PCDHA4: variants seen among roughly 807,000 people sequenced by gnomAD.
PCDHA4 encodes protocadherin alpha 4, also known as protocadherin alpha-4.
A neutral mutation model predicts 61.4 loss-of-function variants in PCDHA4; 49 were observed. The ratio of observed to expected loss-of-function variants is 0.80; its 90% CI spans 0.63 to 1.01. The LOEUF (loss-of-function observed/expected upper bound fraction) is 1.01, where lower values mean the gene tolerates loss of function less well. PCDHA4 is among the 50% of genes least tolerant of loss of function. PCDHA4 has a pLI of 0.00. For synonymous variants in PCDHA4, 590 were observed against 550.3 expected (o/e 1.07, Z -1.01); for missense variants, 1,254 against 1,235.8 (o/e 1.01, Z -0.22).
chr5:140,944,909 C>A (rs1320536064), intron 1 of PCDHA4, among the ~76,000 whole-genome samples: 1 of 152,136 alleles, frequency 6.6e-6, no homozygotes, highest in African/African-American at 2.4e-5. Flanking sequence ...CCACAAACTT[C>A]TCTTTATATT....
intron 3 of PCDHA4, among the ~76,000 whole-genome samples, chr5:140,990,502 A>T (rs1303617067): frequency 6.6e-6 from 1 of 152,164 alleles, no homozygotes; most frequent in African/African-American, 2.4e-5. Context: ...ACATTCCCCA[A>T]GTCTTCTCTC....
chr5:140,906,239 T>G (rs563566442), intron 1 of PCDHA4, among the ~76,000 whole-genome samples: 5 of 152,314 alleles, frequency 3.3e-5, no homozygotes, highest in Admixed American at 1.3e-4. Context: ...CCTTGTCAAC[T>G]TGAACCCATA....
intron 1 of PCDHA4, chr5:140,928,319 AG>A: frequency 6.2e-7 from 1 of 1,614,200 alleles, no homozygotes. Flanking sequence ...GACCTGGGGA[AG>A]AATGGCCTTG....
At chr5:140,982,318 G>A (rs2096977750) in intron 2 of PCDHA4, 157 bp from the exon 3 acceptor site, 3 of 1,356,910 alleles carry the variant, frequency 2.2e-6, no homozygotes, top group Non-Finnish European at 2.9e-6. Context: ...AGTTTATGCA[G>A]GGTGACTGCT....
Position 140,851,565 on chromosome 5 carries a change from G to T in PCDHA4, c.2385+41993G>T, listed in dbSNP as rs558874725. Reference sequence around the variant, plus strand: ...TTCAAGAAATGTTGACTGAAATTTTGTCTACACTTAGAACATTTTTTGAAA... The same window carrying T: ...TTCAAGAAATGTTGACTGAAATTTTTTCTACACTTAGAACATTTTTTGAAA... On this transcript the variant is annotated intron_variant, in intron 1 of 3. Transcript: ENST00000530339. The T allele has an allele frequency of 3.3e-6, 3 of 908,000 alleles. No homozygotes were observed. In the African/African-American group the frequency reaches 5.4e-5, roughly 16 times the overall value. 56.2% of individuals were successfully genotyped at this position (908,000 alleles called of 1,614,324 possible).
intron 1 of PCDHA4, chr5:140,876,978 C>T (rs1206745884): frequency 1.2e-5 from 20 of 1,612,518 alleles, no homozygotes; most frequent in African/African-American, 6.7e-5. Flanking sequence ...TGGGCGAGCA[C>T]GCACTGTCGA....
Position 140,808,553 on chromosome 5 carries a change from G to A in PCDHA4, c.1366G>A (p.Ala456Thr), listed in dbSNP as rs1764200518. Reference protein sequence around the residue: ...ADVNDNAPAFAQPEYTVFVKE... With the variant: ...ADVNDNAPAFTQPEYTVFVKE... ...TGTGAACGACAACGCTCCGGCGTTC[G>A]CGCAGCCCGAGTACACAGTGTTCGT... The change falls in exon 1 of 4, where the codon GCG becomes ACG. Residue 456 changes from alanine (A) to threonine (T), a missense_variant. By Grantham distance (58) the Ala-to-Thr change is moderately conservative. Transcript: ENST00000530339. 6.2e-7 allele frequency: 1 copy of A among 1,614,088 alleles called. No homozygotes were observed. The highest frequency in any genetic ancestry group is 8.5e-7 in the Non-Finnish European group (1 of 1,180,028).
intron 1 of PCDHA4, among the ~76,000 whole-genome samples, chr5:140,965,292 C>T (rs1305794672): frequency 6.6e-6 from 1 of 152,152 alleles, no homozygotes; most frequent in Non-Finnish European, 1.5e-5. Flanking sequence ...GAAAGATTTC[C>T]TCTGATCCTT....
chr5:140,983,009 G>C (rs1272086703), intron 3 of PCDHA4, among the ~76,000 whole-genome samples: 2 of 151,884 alleles, frequency 1.3e-5, no homozygotes, highest in Non-Finnish European at 2.9e-5. Flanking sequence ...AAAGAAAAAG[G>C]AAGGAAGGAA....
chr5:140,823,635 G>A (rs2150127703), intron 1 of PCDHA4: 3 of 1,613,956 alleles, frequency 1.9e-6, no homozygotes, highest in East Asian at 2.2e-5. Context: ...CGCGCATCCC[G>A]TTCCGCGTGG....
chr5:140,898,905 C>T (rs1313193763), intron 1 of PCDHA4, among the ~76,000 whole-genome samples: 5 of 152,060 alleles, frequency 3.3e-5, no homozygotes, highest in South Asian at 2.1e-4. Context: ...AGGTCCTTCA[C>T]GTCCCTTGTA....
intron 1 of PCDHA4, chr5:140,857,534 C>G: frequency 1.9e-6 from 3 of 1,597,458 alleles, no homozygotes; most frequent in Non-Finnish European, 2.6e-6. Flanking sequence ...TCTGGTGGAG[C>G]GGCGGTTGGG....
Position 140,929,271 on chromosome 5 carries a change from A to G in PCDHA4, c.2386-49678A>G, listed in dbSNP as rs782266407. 9.9e-6 allele frequency: 16 copies of G among 1,610,716 alleles called. No individual in the cohort carries two copies. In the Admixed American group the frequency reaches 2.7e-4, roughly 27 times the overall value. On this transcript the variant is annotated intron_variant, in intron 1 of 3. Transcript: ENST00000530339. ...CTGGGGTAGGACTGAATTTGCCAAT[A>G]TCCTGTATTCAGATTCGGAATAGGA...
chr5:140,938,293 C>T (rs896897734), intron 1 of PCDHA4, among the ~76,000 whole-genome samples: 2 of 152,110 alleles, frequency 1.3e-5, no homozygotes, highest in African/African-American at 4.8e-5. Flanking sequence ...CTGTCATTGC[C>T]TATGAAATTC....
chr5:140,982,154 G>A (rs1304368371), intron 2 of PCDHA4, among the ~76,000 whole-genome samples: 3 of 152,210 alleles, frequency 2.0e-5, no homozygotes, highest in East Asian at 1.9e-4. Flanking sequence ...CTTCAGTATC[G>A]AGATGTTAAA....
At chr5:140,956,754 C>T (rs1470553559) in intron 1 of PCDHA4, among the ~76,000 whole-genome samples, 5 of 152,140 alleles carry the variant, frequency 3.3e-5, no homozygotes, top group African/African-American at 1.2e-4. Flanking sequence ...TGATAGAATT[C>T]AGCTGTAAAT....
chr5:140,883,457 C>A lies in PCDHA4; in HGVS notation c.2385+73885C>A, dbSNP rs142331981. 13 of 1,614,078 alleles carry A rather than the reference C, an allele frequency of 8.1e-6. No individual in the cohort carries two copies. Among genetic ancestry groups the A allele is most frequent in the Non-Finnish European group, 1.1e-5 (13 of 1,180,050 alleles). On this transcript the variant is annotated intron_variant, in intron 1 of 3. Transcript: ENST00000530339. ...CTTGACGCCGCATGTCCCCTTCAAG[C>A]TGGTGTCCACCTACAAGAACTACTA...
chr5:140,842,647 T>C (rs1778166241), intron 1 of PCDHA4: 1 of 1,595,148 alleles, frequency 6.3e-7, no homozygotes, highest in African/African-American at 1.3e-5. Flanking sequence ...CCAGCTTGTC[T>C]GTGGAGGTGG....
intron 1 of PCDHA4, chr5:140,836,271 G>A: frequency 1.9e-6 from 3 of 1,613,806 alleles, no homozygotes; most frequent in Non-Finnish European, 2.5e-6. Context: ...GTACACTGGT[G>A]AGATCAGCAC....
Sources: gnomAD v4.1 joint callset for allele counts (sites outside exome capture counted in the v4.1 genomes callset) on GRCh38, gnomAD v4.1.1 for gene constraint, MANE v1.5 for transcripts, NCBI Gene and HGNC (gene_info 2026-07-23, HGNC 2026-07-21) for gene names.